Variants in LINGO2 observed in about 807,000 individuals in gnomAD.
LINGO2 encodes leucine-rich repeat and immunoglobulin-like domain-containing nogo receptor-interacting protein 2.
A neutral mutation model predicts 30.6 loss-of-function variants in LINGO2; 14 were observed. The ratio of observed to expected loss-of-function variants is 0.46; its 90% CI spans 0.30 to 0.72. LINGO2 has a LOEUF of 0.72. Among genes scored for constraint, LINGO2 ranks in the 30% least tolerant of loss-of-function variants. The probability of loss-of-function intolerance (pLI) is 0.07; values close to 1 mark genes in which losing one functional copy is unlikely to be tolerated. For synonymous variants in LINGO2, 317 were observed against 288.5 expected (o/e 1.10, Z -1.00); for missense variants, 729 against 751.7 (o/e 0.97, Z 0.35).
chr9:28,429,855 G>A (rs1823576409), intron 2 of LINGO2, among the ~76,000 whole-genome samples: 1 of 152,016 alleles, frequency 6.6e-6, no homozygotes, highest in Admixed American at 6.6e-5. Context: ...AGGGAGGGAT[G>A]TAAGAAACTG....
the LINGO2 span, chr9:27,942,868 G>GA: frequency 6.3e-3 from 925 of 146,618 alleles, 12 homozygotes; most frequent in African/African-American, 0.022. Flanking sequence ...ATACCACATG[G>GA]AAAAAACCTG....
At chr9:28,493,894 C>T (rs1433522800) in intron 1 of LINGO2, among the ~76,000 whole-genome samples, 4 of 152,152 alleles carry the variant, frequency 2.6e-5, no homozygotes, top group Non-Finnish European at 5.9e-5. Flanking sequence ...TGCCATCGAA[C>T]ATTGGACTCC....
chr9:28,647,719 C>G (rs1053981237), intron 1 of LINGO2, among the ~76,000 whole-genome samples: 5 of 151,928 alleles, frequency 3.3e-5, no homozygotes, highest in African/African-American at 7.2e-5. Context: ...AAATAACTAG[C>G]CTTTGAAATC....
chr9:29,131,405 C>T, the LINGO2 span, among the ~76,000 whole-genome samples: 1 of 151,930 alleles, frequency 6.6e-6, no homozygotes, highest in Non-Finnish European at 1.5e-5. Flanking sequence ...TGCTAAGTAC[C>T]ACCAGTCCAG....
chr9:28,218,257 TA>T (rs1820837906), intron 4 of LINGO2, among the ~76,000 whole-genome samples: 1 of 141,188 alleles, frequency 7.1e-6, no homozygotes, highest in Non-Finnish European at 1.5e-5. Context: ...TACATGGAAT[TA>T]AGAATTTAAT....
At chr9:28,168,669 CGCATATT>C (rs1828499138) in intron 4 of LINGO2, among the ~76,000 whole-genome samples, 1 of 152,206 alleles carries the variant, frequency 6.6e-6, no homozygotes, top group Non-Finnish European at 1.5e-5. Context: ...AGACATATGA[CGCATATT>C]GCTCTAAAGG....
chr9:29,033,953 G>A, the LINGO2 span, among the ~76,000 whole-genome samples: 1 of 151,818 alleles, frequency 6.6e-6, no homozygotes, highest in Non-Finnish European at 1.5e-5. Flanking sequence ...ATGGTGGTGC[G>A]CACCTGTAAT....
intron 2 of LINGO2, among the ~76,000 whole-genome samples, chr9:28,467,257 C>A (rs1429592830): frequency 6.6e-6 from 1 of 152,024 alleles, no homozygotes; most frequent in East Asian, 1.9e-4. Flanking sequence ...GATCTCCTGA[C>A]CTCTCGTAGT....
At chr9:28,637,826 C>CT (rs1311784105) in intron 1 of LINGO2, among the ~76,000 whole-genome samples, 1 of 152,112 alleles carries the variant, frequency 6.6e-6, no homozygotes, top group Non-Finnish European at 1.5e-5. Flanking sequence ...TTTCTGCTGC[C>CT]TGATTGCCCT....
intron 4 of LINGO2, among the ~76,000 whole-genome samples, chr9:28,091,824 A>C (rs755266667): frequency 5.9e-5 from 9 of 152,194 alleles, no homozygotes; most frequent in African/African-American, 1.7e-4. Context: ...TAATATCCAG[A>C]ATCTACAAAG....
the LINGO2 span, among the ~76,000 whole-genome samples, chr9:28,861,303 A>C: frequency 7.8e-6 from 1 of 127,472 alleles, no homozygotes; most frequent in East Asian, 2.1e-4. Flanking sequence ...TATATATTAT[A>C]TATTTTATAT....
chr9:28,304,252 A>G (rs947805317), intron 3 of LINGO2, among the ~76,000 whole-genome samples: 1 of 150,408 alleles, frequency 6.6e-6, no homozygotes, highest in Admixed American at 6.6e-5. Context: ...TAAAATGTAT[A>G]TATATATATA....
intron 4 of LINGO2, among the ~76,000 whole-genome samples, chr9:28,247,722 T>C (rs7040310): frequency 0.35 from 53,281 of 152,006 alleles, 9,432 homozygotes; most frequent in Middle Eastern, 0.4. Flanking sequence ...GTAACACGCC[T>C]GCATGATCTG....
chr9:29,207,845 C>A, the LINGO2 span, among the ~76,000 whole-genome samples: 3 of 151,926 alleles, frequency 2.0e-5, no homozygotes, highest in African/African-American at 4.8e-5. Context: ...CTAGTCAAAT[C>A]CTAGCGAACC....
chr9:28,051,089 G>T (rs1563944220), intron 4 of LINGO2, among the ~76,000 whole-genome samples: 1 of 150,782 alleles, frequency 6.6e-6, no homozygotes, highest in Non-Finnish European at 1.5e-5. Context: ...GTCTTCTCCT[G>T]CTTTCCTTTT....
At chr9:28,927,987 T>C in the LINGO2 span, among the ~76,000 whole-genome samples, 3 of 152,306 alleles carry the variant, frequency 2.0e-5, no homozygotes, top group South Asian at 6.2e-4. Context: ...TTAACAACTG[T>C]TTGTTAAACA....
chr9:28,118,590 G>A (rs989563942), intron 4 of LINGO2, among the ~76,000 whole-genome samples: 1 of 152,142 alleles, frequency 6.6e-6, no homozygotes, highest in Non-Finnish European at 1.5e-5. Flanking sequence ...ATAGTTCAGT[G>A]TGATTTTTGG....
intron 4 of LINGO2, among the ~76,000 whole-genome samples, chr9:28,046,302 T>C (rs1057078180): frequency 2.6e-5 from 4 of 152,106 alleles, no homozygotes; most frequent in African/African-American, 9.7e-5. Flanking sequence ...TTTATCTAGG[T>C]TAGAAGTTCT....
At chr9:28,457,485 C>T (rs1824896850) in intron 2 of LINGO2, among the ~76,000 whole-genome samples, 1 of 152,048 alleles carries the variant, frequency 6.6e-6, no homozygotes, top group African/African-American at 2.4e-5. Flanking sequence ...ACAATCATCG[C>T]TCACTGCAGC....
Sources: allele counts gnomAD v4.1 joint callset (sites outside exome capture counted in the v4.1 genomes callset), GRCh38; gene constraint gnomAD v4.1.1; transcripts MANE v1.5; gene names NCBI Gene and HGNC (gene_info 2026-07-23, HGNC 2026-07-21).